Variants in C2CD2L observed in about 807,000 individuals in gnomAD.
C2CD2L encodes C2CD2 like.
In C2CD2L, 24 loss-of-function variants were observed where a neutral mutation model predicts 69.9. That is an observed-to-expected ratio of 0.34 (90% CI 0.25 to 0.48). The LOEUF is 0.48. Ranked by LOEUF, C2CD2L falls within the 20% of genes least tolerant of loss-of-function variation. The pLI is 0.99. For missense variants in C2CD2L, 811 were observed against 941.5 expected, an observed-to-expected ratio of 0.86 and a Z score of 1.81; for synonymous variants, 367 against 391.0, an observed-to-expected ratio of 0.94 and a Z score of 0.72.
upstream of C2CD2L, among the ~76,000 whole-genome samples, chr11:119,105,638 A>G (rs1946569152): frequency 8.5e-6 from 1 of 117,668 alleles, no homozygotes; most frequent in Non-Finnish European, 1.8e-5. Context: ...TTTCTGTCTC[A>G]AGAAAAGAGA....
chr11:119,102,537 A>G (rs548618792), upstream of C2CD2L, among the ~76,000 whole-genome samples: 52 of 152,126 alleles, frequency 3.4e-4, no homozygotes, highest in Non-Finnish European at 1.2e-4. Flanking sequence ...CAGCTGTAGC[A>G]GTTAGTTGCC....
In C2CD2L at chr11:119,110,770, G is replaced by A. The variant is rs1471118897; in HGVS notation, c.571-77G>A. The A allele has an allele frequency of 6.2e-6, 10 of 1,606,208 alleles. No homozygotes were observed. The highest frequency in any genetic ancestry group is 6.8e-6 in the Non-Finnish European group (8 of 1,174,058). On this transcript the variant is annotated intron_variant, in intron 3 of 13. Coordinates refer to ENST00000648610, the MANE Select transcript of C2CD2L (RefSeq NM_001290474.2). This position sits in a 1 kb window ranked among gnomAD's most constrained non-coding sequence, Gnocchi z 5.7. ...TGTTTCCTCTCTGGGATGGAATTCA[G>A]GAAGGGAGAGTCCTCGAATTAGGAG...
chr11:119,116,579 C>G lies in C2CD2L; in HGVS notation c.*323C>G. 1 of 468,592 alleles carries G rather than the reference C, an allele frequency of 2.1e-6. No homozygotes were observed. Among genetic ancestry groups the G allele is most frequent in the Non-Finnish European group, 3.9e-6 (1 of 258,836 alleles). The allele number at this position is 468,592 out of a possible 1,614,324, so 29.0% of individuals were successfully genotyped here. On this transcript the variant is annotated 3_prime_UTR_variant, in exon 14 of 14. Transcript: ENST00000648610. ...GAGCGGAGTCCCAGGGTGCTCAGCT[C>G]TTCAGCTGACCCTTCTTCCCTTATT... is the stretch of plus-strand genomic sequence containing the variant.
chr11:119,104,623 C>G (rs1003495479), upstream of C2CD2L, among the ~76,000 whole-genome samples: 1 of 152,176 alleles, frequency 6.6e-6, no homozygotes, highest in African/African-American at 2.4e-5. Context: ...AAGTTCAAAG[C>G]GTTTTCCTGA....
intron 6 of C2CD2L, 45 bp from the exon 7 acceptor site, chr11:119,111,476 T>G: frequency 6.2e-7 from 1 of 1,601,034 alleles, no homozygotes; most frequent in South Asian, 1.1e-5. Context: ...TGCAGTGACT[T>G]CCCATCTCTG....
Position 119,118,122 on chromosome 11 carries a change from T to G in C2CD2L, c.*1866T>G, listed in dbSNP as rs1476569580. On this transcript the variant is annotated 3_prime_UTR_variant, in exon 14 of 14. Transcript: ENST00000648610. The stretch of plus-strand genomic sequence containing the variant: ...AGTTTTATATATTTGGGGGGACAAG[T>G]GCAGGTTTCTTACATGCATATATTG... 1 of 152,102 alleles carries G rather than the reference T, an allele frequency of 6.6e-6. No homozygotes were observed. Among genetic ancestry groups the G allele is most frequent in the African/African-American group, 2.4e-5 (1 of 41,406 alleles). 9.4% of individuals were successfully genotyped at this position (152,102 alleles called of 1,614,324 possible).
At chr11:119,112,454 C>G (rs1404131644) in intron 8 of C2CD2L, 28 bp from the exon 9 acceptor site, 1 of 1,613,854 alleles carries the variant, frequency 6.2e-7, no homozygotes, top group South Asian at 1.1e-5. Flanking sequence ...GCCATGGGCC[C>G]AGCTCACAGT....
At chr11:119,113,810 G>T (rs368850909) in intron 11 of C2CD2L, 45 bp from the exon 12 acceptor site, 25 of 1,611,826 alleles carry the variant, frequency 1.6e-5, no homozygotes, top group Non-Finnish European at 2.1e-5. Context: ...ATCCAAGAAA[G>T]AGCCAGGGAG....
In C2CD2L at chr11:119,110,592, T is replaced by A. The variant is rs773734725; in HGVS notation, c.482T>A (p.Val161Glu). Residue 161 changes from valine to glutamate, a missense_variant, in exon 3 of 14, where the codon GTG becomes GAG. Physicochemically the swap from Val to Glu is moderately radical, Grantham distance 121. Transcript: ENST00000648610. The surrounding 1 kb of genome is among the most constrained non-coding windows in gnomAD (Gnocchi z 5.7). Reference sequence around the variant, plus strand: ...CGTTGCCAGCTCTCTGCTGAGGAGGTGCGGTTCCCAGTCTCTGTGACCCAG... The same window carrying A: ...CGTTGCCAGCTCTCTGCTGAGGAGGAGCGGTTCCCAGTCTCTGTGACCCAG... Reference protein sequence around the residue: ...VLRCQLSAEEVRFPVSVTQQS... With the variant: ...VLRCQLSAEEERFPVSVTQQS... 3.8e-5 allele frequency: 61 copies of A among 1,610,096 alleles called. No homozygotes were observed. Among genetic ancestry groups the A allele is most frequent in the Non-Finnish European group, 4.9e-5 (58 of 1,179,264 alleles).
intron 10 of C2CD2L, 165 bp downstream of exon 10, chr11:119,113,039 A>C: frequency 1.6e-6 from 1 of 635,248 alleles, no homozygotes; most frequent in Non-Finnish European, 2.7e-6. Flanking sequence ...TCTCTTCCAA[A>C]CTTTCCCTTA....
At position 119,110,675 on chromosome 11, in the gene C2CD2L, A is replaced by G. The variant is rs1649217946; in HGVS notation, c.565A>G (p.Thr189Ala). Reference sequence around the variant, plus strand: ...CCACGTCACTCTGACACTGCCACCAACACAGGTAGAAGGGGATGTGGGAAA... The same window carrying G: ...CCACGTCACTCTGACACTGCCACCAGCACAGGTAGAAGGGGATGTGGGAAA... ...TYHVTLTLPP[T>A]QLEVNLEEIP... Residue 189 changes from threonine (T) to alanine (A), a missense_variant, in exon 3 of 14, where the codon ACA becomes GCA. Physicochemically the swap from Thr to Ala is moderately conservative, Grantham distance 58. Coordinates refer to ENST00000648610, the MANE Select transcript of C2CD2L (RefSeq NM_001290474.2). The surrounding 1 kb of genome is among the most constrained non-coding windows in gnomAD (Gnocchi z 5.7). The G allele has an allele frequency of 6.2e-7, 1 of 1,613,910 alleles. No homozygotes were observed. The highest frequency in any genetic ancestry group is 1.3e-5 in the African/African-American group (1 of 75,044).
Position 119,113,435 on chromosome 11 carries a change from A to AGCT in C2CD2L, c.1388-175_1388-173dup, listed in dbSNP as rs1946801408. 6 of 894,280 alleles carry AGCT rather than the reference A, an allele frequency of 6.7e-6. No homozygotes were observed. The South Asian group carries it at 9.3e-5, about 14-fold the overall frequency. The allele number at this position is 894,280 out of a possible 1,614,324, so 55.4% of individuals were successfully genotyped here. A position where few individuals can be genotyped will look rare whatever the true frequency, so the allele number is the denominator to read the frequency against. On this transcript the variant is annotated intron_variant, in intron 10 of 13. Coordinates refer to ENST00000648610, the MANE Select transcript of C2CD2L (RefSeq NM_001290474.2). ...CATGGCACTTTCCTACACTCCCATT[A>AGCT]GCTCCTGGGGTGTCTTTTAGTCCCC...
At position 119,107,871 on chromosome 11, in the gene C2CD2L, G is replaced by T. The variant is rs1041143649; in HGVS notation, c.130G>T (p.Gly44Trp). Residue 44 changes from glycine (G) to tryptophan (W), a missense_variant, in exon 1 of 14, where the codon GGG becomes TGG. Coordinates refer to ENST00000648610, the MANE Select transcript of C2CD2L (RefSeq NM_001290474.2). The surrounding 1 kb of genome is among the most constrained non-coding windows in gnomAD (Gnocchi z 5.4). ...GGGCTTGTGGCTGGCGCGGGCCCGCGGGGACCGGGGCCCGGGACCCGCCTT... is the reference window on the plus strand; with the variant it reads ...GGGCTTGTGGCTGGCGCGGGCCCGCTGGGACCGGGGCCCGGGACCCGCCTT... Reference protein sequence around the residue: ...ARGLWLARARGDRGPGPALAG... With the variant: ...ARGLWLARARWDRGPGPALAG... 2 of 1,518,624 alleles carry T rather than the reference G, an allele frequency of 1.3e-6. No homozygotes were observed. The highest frequency in any genetic ancestry group is 4.2e-5 in the Admixed American group (2 of 47,268). The allele number at this position is 1,518,624 out of a possible 1,614,324, so 94.1% of individuals were successfully genotyped here.
At position 119,114,373 on chromosome 11, in the gene C2CD2L, G is replaced by C. The variant is rs766095438; in HGVS notation, c.1909+8G>C. On this transcript the variant is annotated splice_region_variant and intron_variant, in intron 13 of 13. Transcript: ENST00000648610. The surrounding 1 kb of genome is among the most constrained non-coding windows in gnomAD (Gnocchi z 5.1). The stretch of plus-strand genomic sequence containing the variant: ...GCCTCAAGGATCACAAAGGTAGGGG[G>C]ACGTTGGCAGGGTGCCCCTCATCTC... 6.2e-7 allele frequency: 1 copy of C among 1,613,442 alleles called. No homozygotes were observed. The highest frequency in any genetic ancestry group is 1.7e-5 in the Admixed American group (1 of 60,000).
chr11:119,113,841 T>C lies in C2CD2L; in HGVS notation c.1490-14T>C, dbSNP rs201881163. 9.9e-6 allele frequency: 16 copies of C among 1,613,508 alleles called. No homozygotes were observed. In the African/African-American group the frequency reaches 1.6e-4, roughly 16 times the overall value. On this transcript the variant is annotated splice_polypyrimidine_tract_variant and intron_variant, in intron 11 of 13. Transcript: ENST00000648610. Reference sequence around the variant, plus strand: ...GGGAGAAGTCAGGTTATTCATTCTCTGCACCCCTAGCAGGGGACAGCCACC... The same window carrying C: ...GGGAGAAGTCAGGTTATTCATTCTCCGCACCCCTAGCAGGGGACAGCCACC...
chr11:119,115,527 G>A (rs567274236), intron 13 of C2CD2L: 1 of 163,070 alleles, frequency 6.1e-6, no homozygotes, highest in Non-Finnish European at 1.3e-5. Flanking sequence ...AAGCCTGCTG[G>A]GTGAGCACCT....
chr11:119,118,051 C>T lies in C2CD2L; in HGVS notation c.*1795C>T, dbSNP rs1201790844. On this transcript the variant is annotated 3_prime_UTR_variant, in exon 14 of 14. Transcript: ENST00000648610. ...CACTACTCACCAAATATGAGATATCCGGGAAGAATGGAGGGTATAGATTTT... is the reference window on the plus strand; with the variant it reads ...CACTACTCACCAAATATGAGATATCTGGGAAGAATGGAGGGTATAGATTTT... The T allele has an allele frequency of 5.9e-5, 9 of 151,984 alleles. No individual in the cohort carries two copies. Among genetic ancestry groups the T allele is most frequent in the African/African-American group, 9.7e-5 (4 of 41,372 alleles). The allele number at this position is 151,984 out of a possible 1,614,324, so 9.4% of individuals were successfully genotyped here. A position where few individuals can be genotyped will look rare whatever the true frequency, so the allele number is the denominator to read the frequency against.
upstream of C2CD2L, chr11:119,106,748 C>T (rs1223571840): frequency 2.0e-5 from 3 of 152,174 alleles, no homozygotes; most frequent in African/African-American, 4.8e-5. Context: ...TTGGGAATCT[C>T]CAGAACAAAC....
At chr11:119,107,341 GGCGGTGTTGTCAGTGTCA>G (rs2134932878) in exon 1 of C2CD2L, 1 of 158,240 alleles carries the variant, frequency 6.3e-6, no homozygotes, top group African/African-American at 2.4e-5. This position sits in a 1 kb window ranked among gnomAD's most constrained non-coding sequence, Gnocchi z 5.4. Context: ...GCGGGGCGCC[GGCGGTGTTGTCAGTGTCA>G]GCTCTGCGCA....
Sources: gnomAD v4.1 joint callset for allele counts (sites outside exome capture counted in the v4.1 genomes callset) on GRCh38, gnomAD v4.1.1 for gene constraint, Gnocchi (gnomAD v3.1) non-coding constraint, MANE v1.5 for transcripts, NCBI Gene and HGNC (gene_info 2026-07-23, HGNC 2026-07-21) for gene names.